Variants in HCRTR2 observed in about 807,000 individuals in gnomAD.
HCRTR2 encodes orexin receptor type 2.
A neutral mutation model predicts 49.0 loss-of-function variants in HCRTR2; 22 were observed. The ratio of observed to expected loss-of-function variants is 0.45; its 90% confidence interval spans 0.32 to 0.64. The LOEUF (loss-of-function observed/expected upper bound fraction) is 0.64. HCRTR2 is among the 30% of genes least tolerant of loss of function. The pLI is 0.04. For synonymous variants in HCRTR2, 236 were observed against 205.3 expected, an observed-to-expected ratio of 1.15 and a Z score of -1.28; for missense variants, 491 against 559.4, an observed-to-expected ratio of 0.88 and a Z score of 1.23.
intron 5 of HCRTR2, among the ~76,000 whole-genome samples, chr6:55,279,613 T>C (rs1767149513): frequency 6.6e-6 from 1 of 151,820 alleles, no homozygotes; most frequent in African/African-American, 2.4e-5. Flanking sequence ...TTTTGGCCTA[T>C]AATCTTATTG....
intron 1 of HCRTR2, among the ~76,000 whole-genome samples, chr6:55,189,318 A>G (rs985170216): frequency 2.0e-5 from 3 of 152,206 alleles, no homozygotes; most frequent in Non-Finnish European, 2.9e-5. Flanking sequence ...AAACAGTTAG[A>G]AGCCTGTTGA....
chr6:55,192,410 C>CGT (rs1182380237), intron 1 of HCRTR2, among the ~76,000 whole-genome samples: 50 of 62,600 alleles, frequency 8.0e-4, no homozygotes, highest in African/African-American at 1.7e-3. Flanking sequence ...CACGCGCGCG[C>CGT]GCGCACACAC....
intron 1 of HCRTR2, among the ~76,000 whole-genome samples, chr6:55,213,513 C>T (rs989055369): frequency 4.6e-5 from 7 of 152,216 alleles, no homozygotes; most frequent in Non-Finnish European, 1.0e-4. Context: ...AAAAAATTTA[C>T]TTTCTGAGAA....
At chr6:55,169,820 A>G (rs1461255983), upstream of HCRTR2, among the ~76,000 whole-genome samples, 1 of 152,112 alleles carries the variant, frequency 6.6e-6, no homozygotes, top group Non-Finnish European at 1.5e-5. Flanking sequence ...CAACATTTCC[A>G]GTTCACCAAT....
chr6:55,168,688 C>A (rs1764909358), intron 1 of HCRTR2, among the ~76,000 whole-genome samples: 1 of 152,038 alleles, frequency 6.6e-6, no homozygotes, highest in Non-Finnish European at 1.5e-5. Flanking sequence ...ACTTGAGCCT[C>A]CCAGATAGCT....
At chr6:55,168,160 T>C (rs1764902850) in intron 1 of HCRTR2, among the ~76,000 whole-genome samples, 1 of 152,190 alleles carries the variant, frequency 6.6e-6, no homozygotes, top group African/African-American at 2.4e-5. Flanking sequence ...AGAAAACATT[T>C]ATGCCCTTAG....
chr6:55,166,470 G>A (rs1398028050), intron 1 of HCRTR2, among the ~76,000 whole-genome samples: 2 of 151,456 alleles, frequency 1.3e-5, no homozygotes, highest in African/African-American at 4.9e-5. Context: ...GCTTTTCTTT[G>A]TTAAGAGACT....
At chr6:55,156,608 C>T (rs893481420) in intron 1 of HCRTR2, among the ~76,000 whole-genome samples, 11 of 151,914 alleles carry the variant, frequency 7.2e-5, no homozygotes, top group Non-Finnish European at 1.6e-4. Flanking sequence ...CACACACACA[C>T]ACCAGATCAA....
intron 1 of HCRTR2, among the ~76,000 whole-genome samples, chr6:55,230,242 A>G (rs1167917399): frequency 6.6e-6 from 1 of 152,210 alleles, no homozygotes; most frequent in African/African-American, 2.4e-5. Flanking sequence ...CAGATTTTAG[A>G]TGTAATAAAC....
chr6:55,237,677 C>T (rs1159993980), intron 1 of HCRTR2, among the ~76,000 whole-genome samples: 1 of 152,196 alleles, frequency 6.6e-6, no homozygotes, highest in African/African-American at 2.4e-5. Flanking sequence ...TTTGATGTCC[C>T]TTCTGCCTTA....
chr6:55,193,838 T>C (rs1765363153), intron 1 of HCRTR2, among the ~76,000 whole-genome samples: 2 of 152,138 alleles, frequency 1.3e-5, no homozygotes, highest in African/African-American at 4.8e-5. Flanking sequence ...TTAATGGATA[T>C]GTTGATACCA....
rs1767100757 is a variant in HCRTR2 at position 55,277,505 on chromosome 6, C to G, written c.888C>G (p.Ile296Met). ...MSAVAAEIKQ[I>M]RARRKTARML... The stretch of plus-strand genomic sequence containing the variant: ...CTGTGGCGGCTGAAATAAAGCAGAT[C>G]CGAGCCAGAAGGAAAACAGCCCGGA... The change falls in exon 5 of 7, where the codon ATC (isoleucine) becomes ATG (methionine). Residue 296 changes from isoleucine to methionine, a missense_variant. Transcript: ENST00000370862. The G allele has an allele frequency of 1.2e-6, 2 of 1,613,910 alleles. No homozygotes were observed. The highest frequency in any genetic ancestry group is 1.7e-6 in the Non-Finnish European group (2 of 1,180,000).
chr6:55,257,884 A>G (rs967403666), intron 3 of HCRTR2, among the ~76,000 whole-genome samples: 2 of 151,954 alleles, frequency 1.3e-5, no homozygotes, highest in African/African-American at 2.4e-5. Context: ...TAGCTACAAA[A>G]TCCAACTTAG....
At chr6:55,157,958 C>G (rs767956800) in intron 1 of HCRTR2, among the ~76,000 whole-genome samples, 5 of 152,208 alleles carry the variant, frequency 3.3e-5, no homozygotes, top group Non-Finnish European at 7.3e-5. Context: ...CCTAACTTCT[C>G]AATGCCCAGA....
chr6:55,246,689 C>A (rs1766451268), intron 1 of HCRTR2, among the ~76,000 whole-genome samples: 1 of 152,024 alleles, frequency 6.6e-6, no homozygotes, highest in African/African-American at 2.4e-5. Context: ...CTTTTACTTA[C>A]TCTAGTACTT....
chr6:55,164,395 C>A (rs1764847657), intron 1 of HCRTR2, among the ~76,000 whole-genome samples: 1 of 152,114 alleles, frequency 6.6e-6, no homozygotes, highest in Non-Finnish European at 1.5e-5. Flanking sequence ...CAATGATAGA[C>A]TAGATTAAGA....
At chr6:55,247,523 G>A (rs753639432) in intron 1 of HCRTR2, among the ~76,000 whole-genome samples, 1 of 152,100 alleles carries the variant, frequency 6.6e-6, no homozygotes, top group Non-Finnish European at 1.5e-5. Context: ...CATTATTTGG[G>A]TGCATGGGTG....
intron 1 of HCRTR2, among the ~76,000 whole-genome samples, chr6:55,130,073 A>G (rs1460535296): frequency 6.6e-6 from 1 of 151,992 alleles, no homozygotes; most frequent in African/African-American, 2.4e-5. Flanking sequence ...AGACTTCCTC[A>G]GGTAAGCATT....
At chr6:55,275,835 C>T (rs1767067623) in intron 4 of HCRTR2, among the ~76,000 whole-genome samples, 1 of 152,028 alleles carries the variant, frequency 6.6e-6, no homozygotes, top group African/African-American at 2.4e-5. Context: ...GTCATGAACT[C>T]CCAACCTCAG....
Sources: gnomAD v4.1 joint callset for allele counts (sites outside exome capture counted in the v4.1 genomes callset) on GRCh38, gnomAD v4.1.1 for gene constraint, MANE v1.5 for transcripts, NCBI Gene and HGNC (gene_info 2026-07-23, HGNC 2026-07-21) for gene names.